NRG3: variants seen among roughly 807,000 people sequenced by gnomAD.
NRG3 encodes neuregulin 3, also known as pro-neuregulin-3, membrane-bound isoform.
Under a neutral mutation model 66.9 loss-of-function variants are expected in NRG3, and 31 were observed. That is an observed-to-expected ratio of 0.46 (90% CI 0.35 to 0.63). The LOEUF is 0.63. Ranked by LOEUF, NRG3 falls within the 20% of genes least tolerant of loss-of-function variation. The pLI is 0.00. For missense variants in NRG3, 910 were observed against 878.9 expected (o/e 1.04, Z -0.45); for synonymous variants, 393 against 359.4 (o/e 1.09, Z -1.06).
At chr10:82,828,849 A>G (rs912447288) in intron 3 of NRG3, among the ~76,000 whole-genome samples, 3 of 152,192 alleles carry the variant, frequency 2.0e-5, no homozygotes, top group African/African-American at 4.8e-5. Flanking sequence ...CTTCCCTTAG[A>G]TGATAGTCCT....
intron 3 of NRG3, among the ~76,000 whole-genome samples, chr10:82,825,732 T>C (rs925129568): frequency 6.6e-6 from 1 of 152,224 alleles, no homozygotes; most frequent in Non-Finnish European, 1.5e-5. Flanking sequence ...TGTTTATATA[T>C]TTCAACAAGG....
chr10:82,323,403 C>T (rs968115730), intron 1 of NRG3, among the ~76,000 whole-genome samples: 1 of 151,774 alleles, frequency 6.6e-6, no homozygotes, highest in Non-Finnish European at 1.5e-5. Flanking sequence ...TTGAAATAAT[C>T]GTATGTTTTT....
intron 6 of NRG3, among the ~76,000 whole-genome samples, chr10:82,959,297 A>G (rs1315671221): frequency 1.3e-5 from 2 of 152,248 alleles, no homozygotes; most frequent in Non-Finnish European, 2.9e-5. Flanking sequence ...ACAATCTGTA[A>G]TATAAACTAA....
At chr10:82,212,106 C>T (rs2075424287) in intron 1 of NRG3, among the ~76,000 whole-genome samples, 1 of 152,106 alleles carries the variant, frequency 6.6e-6, no homozygotes, top group Admixed American at 6.6e-5. Context: ...TTCTTTTCCT[C>T]ATATGTAAAA....
At chr10:82,138,890 T>C (rs991292687) in intron 1 of NRG3, among the ~76,000 whole-genome samples, 7 of 152,076 alleles carry the variant, frequency 4.6e-5, no homozygotes, top group Admixed American at 2.0e-4. Context: ...TATTCTAGCC[T>C]TGTGGGCAGC....
intron 3 of NRG3, among the ~76,000 whole-genome samples, chr10:82,746,357 A>C (rs1318246289): frequency 6.6e-6 from 1 of 151,730 alleles, no homozygotes; most frequent in African/African-American, 2.4e-5. Context: ...TACCCACTCT[A>C]CCCGGGAAGA....
chr10:82,381,234 G>A (rs1589921344), intron 2 of NRG3, among the ~76,000 whole-genome samples: 1 of 151,984 alleles, frequency 6.6e-6, no homozygotes, highest in South Asian at 2.1e-4. Context: ...CTGACACAGC[G>A]GTTTTTGTAT....
rs571632079 is a variant in NRG3 at position 81,946,897 on chromosome 10, C to T, written c.823+70734C>T. 5.9e-5 allele frequency among the ~76,000 whole-genome samples: 9 copies of T among 152,270 alleles called. No individual in the cohort carries two copies. In the East Asian group the frequency reaches 1.4e-3, roughly 23 times the overall value. On this transcript the variant is annotated intron_variant, in intron 1 of 8. Transcript: ENST00000372141. ...GCACGGGCCTGGTCTTGCTTAGTAT[C>T]GCCATCTTCCAAAACCTAATCTGTA...
intron 2 of NRG3, among the ~76,000 whole-genome samples, chr10:82,395,173 G>A (rs545382623): frequency 2.6e-4 from 39 of 152,270 alleles, no homozygotes; most frequent in African/African-American, 8.9e-4. Context: ...AGTACAACGC[G>A]TAAATGCAAG....
chr10:82,065,016 G>A (rs2064371246), intron 1 of NRG3, among the ~76,000 whole-genome samples: 4 of 152,132 alleles, frequency 2.6e-5, no homozygotes, highest in Admixed American at 1.3e-4. Context: ...GTGTGCAGAA[G>A]CTGAGCAGTA....
At chr10:82,070,026 A>C (rs2133315811) in intron 1 of NRG3, among the ~76,000 whole-genome samples, 1 of 152,346 alleles carries the variant, frequency 6.6e-6, no homozygotes, top group South Asian at 2.1e-4. Context: ...CTCATCACCC[A>C]AGAAAATAAC....
intron 1 of NRG3, among the ~76,000 whole-genome samples, chr10:81,956,378 A>G (rs1849830172): frequency 6.6e-6 from 1 of 152,200 alleles, no homozygotes; most frequent in Non-Finnish European, 1.5e-5. Flanking sequence ...CATAGATGTG[A>G]ATAAACCAGC....
chr10:82,224,529 A>T (rs1896511), intron 1 of NRG3, among the ~76,000 whole-genome samples: 1 of 152,082 alleles, frequency 6.6e-6, no homozygotes, highest in South Asian at 2.1e-4. Flanking sequence ...TGACAAACCC[A>T]GCACAATTCT....
In NRG3 at chr10:82,256,727, A is replaced by G. The variant is rs564500543; in HGVS notation, c.824-102012A>G. ...TCTTCTAACTTTACAAAATAAGGAT[A>G]TTCTCCAGATTCACAAGGAATGTGT... On this transcript the variant is annotated intron_variant, in intron 1 of 8. Transcript: ENST00000372141. Among the ~76,000 whole-genome samples, 144 of 152,330 alleles carry G rather than the reference A, an allele frequency of 9.5e-4. 1 individual carries two copies. Among genetic ancestry groups the G allele is most frequent in the African/African-American group, 3.4e-3 (142 of 41,576 alleles).
In NRG3 at chr10:82,846,645, C is replaced by T. The variant is rs193043877; in HGVS notation, c.1028-18766C>T. Among the ~76,000 whole-genome samples the T allele has an allele frequency of 2.5e-4, 38 of 152,144 alleles. 1 individual carries two copies. The South Asian group carries it at 5.2e-3, about 21-fold the overall frequency. ...GAAGATTTTGAGAGTAATGTCAAGA[C>T]GGTGTGTGTGTACAATATGAAGATA... On this transcript the variant is annotated intron_variant, in intron 3 of 8. Coordinates refer to ENST00000372141, the MANE Select transcript of NRG3 (RefSeq NM_001010848.4).
At chr10:82,957,853 T>C (rs1850214181) in intron 5 of NRG3, among the ~76,000 whole-genome samples, 1 of 151,966 alleles carries the variant, frequency 6.6e-6, no homozygotes, top group Non-Finnish European at 1.5e-5. Context: ...TTTTAGAGTC[T>C]CCATGTTTGT....
intron 1 of NRG3, among the ~76,000 whole-genome samples, chr10:81,900,775 G>T (rs891230005): frequency 9.2e-5 from 14 of 152,196 alleles, no homozygotes; most frequent in Non-Finnish European, 8.8e-5. Flanking sequence ...AGAAAGTGCT[G>T]TGTAAACATC....
At chr10:82,560,150 A>C in intron 2 of NRG3, among the ~76,000 whole-genome samples, 1 of 151,794 alleles carries the variant, frequency 6.6e-6, no homozygotes, top group East Asian at 1.9e-4. Context: ...ATAATTAAAA[A>C]TAAAAATGTG....
chr10:81,884,366 A>C lies in NRG3; in HGVS notation c.823+8203A>C, dbSNP rs1317603727. The stretch of plus-strand genomic sequence containing the variant: ...TGCCTGGGTTTTCTGTCTAAGGAGA[A>C]ATTCAGATGTTTCGGTAAAAGATAA... On this transcript the variant is annotated intron_variant, in intron 1 of 8. Transcript: ENST00000372141. Among the ~76,000 whole-genome samples the C allele has an allele frequency of 1.3e-5, 2 of 152,182 alleles. 1 individual carries two copies. Among genetic ancestry groups the C allele is most frequent in the Non-Finnish European group, 2.9e-5 (2 of 68,024 alleles).
Sources: gnomAD v4.1 joint callset for allele counts (sites outside exome capture counted in the v4.1 genomes callset) on GRCh38, gnomAD v4.1.1 for gene constraint, MANE v1.5 for transcripts, NCBI Gene and HGNC (gene_info 2026-07-23, HGNC 2026-07-21) for gene names.